Variants in SMCHD1 observed in about 807,000 individuals in gnomAD.
SMCHD1 encodes structural maintenance of chromosomes flexible hinge domain-containing protein 1.
Under a neutral mutation model 254.7 loss-of-function variants are expected in SMCHD1, and 78 were observed. The ratio of observed to expected loss-of-function variants is 0.31; its 90% CI spans 0.26 to 0.37. The LOEUF is 0.37. Ranked by LOEUF, SMCHD1 falls within the 10% of genes least tolerant of loss-of-function variation. The pLI is 1.00. For missense variants in SMCHD1, 1,840 were observed against 2,408.1 expected, an observed-to-expected ratio of 0.76 and a Z score of 4.94; for synonymous variants, 766 against 794.9, an observed-to-expected ratio of 0.96 and a Z score of 0.61.
intron 37 of SMCHD1, among the ~76,000 whole-genome samples, chr18:2,768,073 G>A (rs965013536): frequency 6.6e-6 from 1 of 151,952 alleles, no homozygotes; most frequent in Non-Finnish European, 1.5e-5. Flanking sequence ...TTGTTATGTG[G>A]TGCATGACTG....
chr18:2,748,380 G>GTGTGTGTGTGTGTGTGTGTGTGTA (rs561439889), intron 30 of SMCHD1, among the ~76,000 whole-genome samples: 3 of 80,246 alleles, frequency 3.7e-5, no homozygotes, highest in African/African-American at 2.1e-4. Context: ...GTGTGTGTGT[G>GTGTGTGTGTGTGTGTGTGTGTGTA]TGTATATAAA....
At chr18:2,684,982 T>C (rs566143565) in intron 5 of SMCHD1, among the ~76,000 whole-genome samples, 58 of 152,182 alleles carry the variant, frequency 3.8e-4, no homozygotes, top group Middle Eastern at 6.8e-3. Flanking sequence ...TAAATATTCA[T>C]TTGCCTCTCT....
At chr18:2,790,910 T>C (rs371740212) in intron 45 of SMCHD1, among the ~76,000 whole-genome samples, 4 of 152,344 alleles carry the variant, frequency 2.6e-5, no homozygotes, top group Admixed American at 6.5e-5. Context: ...ATCTGTCATA[T>C]ATCAATTTTA....
rs1454421660 is a variant in SMCHD1 at position 2,778,089 on chromosome 18, A to G, written c.5477-80A>G. 9 of 1,142,628 alleles carry G rather than the reference A, an allele frequency of 7.9e-6. No individual in the cohort carries two copies. In the East Asian group the frequency reaches 2.3e-4, roughly 29 times the overall value. The allele number at this position is 1,142,628 out of a possible 1,614,324, so 70.8% of individuals were successfully genotyped here. A position where few individuals can be genotyped will look rare whatever the true frequency, so the allele number is the denominator to read the frequency against. On this transcript the variant is annotated intron_variant, in intron 43 of 47. Transcript: ENST00000320876. ...CGAATACTAGCACTCTTTCAAAGAA[A>G]GACTTGCAATGTGCATTATATTTTA...
At chr18:2,700,960 T>C in intron 12 of SMCHD1, 42 bp downstream of exon 12, 1 of 1,406,222 alleles carries the variant, frequency 7.1e-7, no homozygotes, top group South Asian at 1.4e-5. Context: ...TTGCAAATGT[T>C]TTATTTTTAA....
chr18:2,802,326 C>A (rs2076378956), intron 47 of SMCHD1, among the ~76,000 whole-genome samples: 2 of 152,102 alleles, frequency 1.3e-5, no homozygotes, highest in Admixed American at 1.3e-4. Flanking sequence ...TGTGTGTTAA[C>A]TACTTTTATT....
At chr18:2,694,477 AAT>A in intron 7 of SMCHD1, 48 bp from the exon 8 acceptor site, 11 of 1,364,738 alleles carry the variant, frequency 8.1e-6, no homozygotes, top group Non-Finnish European at 1.1e-5. Context: ...CTATTTGTAT[AAT>A]TATAATTTAG....
intron 36 of SMCHD1, among the ~76,000 whole-genome samples, chr18:2,762,916 G>T (rs1320652082): frequency 6.6e-6 from 1 of 152,138 alleles, no homozygotes; most frequent in African/African-American, 2.4e-5. Flanking sequence ...TTTTTTTAAA[G>T]AGATCTGTTC....
chr18:2,755,125 G>T (rs1305707671), intron 34 of SMCHD1, among the ~76,000 whole-genome samples: 1 of 152,024 alleles, frequency 6.6e-6, no homozygotes, highest in Non-Finnish European at 1.5e-5. Flanking sequence ...TGCAATCATG[G>T]CTCACTGTAG....
chr18:2,669,774 T>A (rs1255611813), intron 3 of SMCHD1, among the ~76,000 whole-genome samples: 1 of 152,236 alleles, frequency 6.6e-6, no homozygotes, highest in South Asian at 2.1e-4. Flanking sequence ...ATGTCTAAAA[T>A]GGGAACCCTC....
chr18:2,791,005 C>A, intron 45 of SMCHD1, among the ~76,000 whole-genome samples: 1 of 151,350 alleles, frequency 6.6e-6, no homozygotes, highest in South Asian at 2.1e-4. Flanking sequence ...CCTATAAAAC[C>A]CAAGGTAATC....
rs532571897 is a variant in SMCHD1 at position 2,701,445 on chromosome 18, G to A, written c.1647+527G>A. ...CAAAATGTTGGGATTACAGGCATGA[G>A]CCATCGCACCCAGCCAAGATCTTAA... On this transcript the variant is annotated intron_variant, in intron 12 of 47. Coordinates refer to ENST00000320876, the MANE Select transcript of SMCHD1 (RefSeq NM_015295.3). Among the ~76,000 whole-genome samples, 3 of 152,260 alleles carry A rather than the reference G, an allele frequency of 2.0e-5. No individual in the cohort carries two copies. In the South Asian group the frequency reaches 6.2e-4, roughly 32 times the overall value.
chr18:2,771,718 T>C (rs533165240), intron 40 of SMCHD1, 100 bp downstream of exon 40: 2 of 955,536 alleles, frequency 2.1e-6, no homozygotes, highest in African/African-American at 3.5e-5. Flanking sequence ...TATTGTTGTT[T>C]TAGGGTACAA....
At chr18:2,762,687 T>C (rs2075807366) in intron 36 of SMCHD1, among the ~76,000 whole-genome samples, 1 of 152,052 alleles carries the variant, frequency 6.6e-6, no homozygotes, top group African/African-American at 2.4e-5. Flanking sequence ...TGTGTTTTGC[T>C]GTGTTGCCCA....
chr18:2,799,590 C>G (rs2076323314), intron 47 of SMCHD1, among the ~76,000 whole-genome samples: 1 of 152,070 alleles, frequency 6.6e-6, no homozygotes, highest in African/African-American at 2.4e-5. Context: ...AATTACACTT[C>G]CTTCTCTATA....
At chr18:2,704,527 G>A (rs963174268) in intron 13 of SMCHD1, among the ~76,000 whole-genome samples, 1 of 151,756 alleles carries the variant, frequency 6.6e-6, no homozygotes, top group African/African-American at 2.4e-5. Context: ...ATAAATAATA[G>A]GTAAGAAGTG....
chr18:2,715,007 C>G (rs1215792648), intron 17 of SMCHD1, among the ~76,000 whole-genome samples: 2 of 152,192 alleles, frequency 1.3e-5, no homozygotes, highest in Non-Finnish European at 2.9e-5. Context: ...TGACTGGATG[C>G]TTTTTCTCTT....
chr18:2,705,677 TA>T lies in SMCHD1; in HGVS notation c.1843-12del, dbSNP rs556665119. On this transcript the variant is annotated splice_polypyrimidine_tract_variant and intron_variant, in intron 13 of 47. Transcript: ENST00000320876. ...TTAATACTGAAGCTTTTTTTTTTTT[TA>T]AAAACTAAATATTAGGTCAAGACAA... The T allele has an allele frequency of 2.5e-5, 31 of 1,225,916 alleles. No homozygotes were observed. Among genetic ancestry groups the T allele is most frequent in the Non-Finnish European group, 2.8e-5 (25 of 881,986 alleles). 75.9% of individuals were successfully genotyped at this position (1,225,916 alleles called of 1,614,324 possible).
chr18:2,726,170 A>C (rs1002547230), intron 21 of SMCHD1, among the ~76,000 whole-genome samples: 3 of 152,000 alleles, frequency 2.0e-5, no homozygotes, highest in Non-Finnish European at 4.4e-5. Flanking sequence ...GAGAATAAAA[A>C]TTTAAGAGAA....
Sources: allele counts gnomAD v4.1 joint callset (sites outside exome capture counted in the v4.1 genomes callset), GRCh38; gene constraint gnomAD v4.1.1; transcripts MANE v1.5; gene names NCBI Gene and HGNC (gene_info 2026-07-23, HGNC 2026-07-21).